Variants in PCDH15 observed in about 807,000 individuals in gnomAD.
The protein encoded by PCDH15 is protocadherin related 15.
In PCDH15, 129 loss-of-function variants were observed where a neutral mutation model predicts 178.5. The ratio of observed to expected loss-of-function variants is 0.72; its 90% confidence interval spans 0.63 to 0.84. PCDH15 has a LOEUF of 0.84. Ranked by LOEUF, PCDH15 falls within the 40% of genes least tolerant of loss-of-function variation. PCDH15 has a pLI of 0.00. For missense variants in PCDH15, 2,230 were observed against 2,099.9 expected, an observed-to-expected ratio of 1.06 and a Z score of -1.21; for synonymous variants, 800 against 732.0, an observed-to-expected ratio of 1.09 and a Z score of -1.50.
intron 2 of PCDH15, among the ~76,000 whole-genome samples, chr10:55,149,514 A>T (rs1299904962): frequency 1.3e-5 from 2 of 152,038 alleles, no homozygotes; most frequent in African/African-American, 4.8e-5. Flanking sequence ...ATGGGGGGAA[A>T]CTTATTTCCA....
At chr10:54,401,158 C>T (rs948497188) in intron 3 of PCDH15, among the ~76,000 whole-genome samples, 2 of 151,920 alleles carry the variant, frequency 1.3e-5, no homozygotes, top group African/African-American at 4.8e-5. Flanking sequence ...ATTCCTTTCA[C>T]CTCTACACTA....
chr10:54,195,003 CA>C (rs2133916978), intron 11 of PCDH15, among the ~76,000 whole-genome samples: 1 of 152,220 alleles, frequency 6.6e-6, no homozygotes, highest in Non-Finnish European at 1.5e-5. Context: ...TACATGATAC[CA>C]AAGTCTTTCA....
At chr10:54,189,941 G>GTC (rs2048833000) in intron 11 of PCDH15, among the ~76,000 whole-genome samples, 1 of 151,584 alleles carries the variant, frequency 6.6e-6, no homozygotes, top group Non-Finnish European at 1.5e-5. Flanking sequence ...GTGTGTGTGT[G>GTC]TGTGTGTGTG....
intron 2 of PCDH15, among the ~76,000 whole-genome samples, chr10:55,582,835 A>C (rs887566345): frequency 6.6e-6 from 1 of 151,752 alleles, no homozygotes; most frequent in Non-Finnish European, 1.5e-5. Context: ...TTATTGATGA[A>C]TATTTCACTA....
At chr10:53,820,697 T>C (rs987410897) in intron 32 of PCDH15, among the ~76,000 whole-genome samples, 2 of 151,950 alleles carry the variant, frequency 1.3e-5, no homozygotes, top group African/African-American at 4.8e-5. Flanking sequence ...TCACATATTA[T>C]ACATTATATA....
chr10:55,466,632 T>C (rs931727106), intron 2 of PCDH15, among the ~76,000 whole-genome samples: 3 of 151,984 alleles, frequency 2.0e-5, no homozygotes, highest in Non-Finnish European at 2.9e-5. Context: ...AAAATTGGAA[T>C]GGAGAAGAAG....
At chr10:55,401,598 G>C (rs1414418192) in intron 2 of PCDH15, among the ~76,000 whole-genome samples, 2 of 128,036 alleles carry the variant, frequency 1.6e-5, no homozygotes, top group South Asian at 2.7e-4. Flanking sequence ...GCCTTACTGT[G>C]TGTGTGTGTG....
chr10:54,955,281 A>C (rs1326885309), intron 2 of PCDH15, among the ~76,000 whole-genome samples: 1 of 151,258 alleles, frequency 6.6e-6, no homozygotes, highest in Non-Finnish European at 1.5e-5. Context: ...GAGGAAAAGA[A>C]CTTTTGTTCT....
In PCDH15 at chr10:55,599,268, GC is replaced by G. The variant is rs1843011470; in HGVS notation, c.-156+28356del. The stretch of plus-strand genomic sequence containing the variant: ...GAAGATTCATTAGTAGCAGTGACAA[GC>G]CTACGGAGGCTGGTGATAGCTGATT... On this transcript the variant is annotated intron_variant, in intron 2 of 5. Coordinates refer to the PCDH15 transcript ENST00000613346. The G allele has an allele frequency of 5.9e-5, 9 of 152,282 alleles. No homozygotes were observed. In the South Asian group the frequency reaches 1.7e-3, roughly 28 times the overall value. 9.4% of individuals were successfully genotyped at this position (152,282 alleles called of 1,614,324 possible). A position where few individuals can be genotyped will look rare whatever the true frequency, so the allele number is the denominator to read the frequency against.
chr10:54,143,711 T>TA (rs1241696910), intron 14 of PCDH15, among the ~76,000 whole-genome samples: 9 of 152,180 alleles, frequency 5.9e-5, no homozygotes, highest in Non-Finnish European at 1.2e-4. Flanking sequence ...GATAATTTTT[T>TA]AGATCTACTT....
chr10:54,273,311 C>A (rs2058153313), intron 8 of PCDH15, among the ~76,000 whole-genome samples: 1 of 148,408 alleles, frequency 6.7e-6, no homozygotes. Flanking sequence ...TATAAACACA[C>A]AAAATAAGTG....
chr10:54,559,060 T>C (rs1194480999), intron 2 of PCDH15, among the ~76,000 whole-genome samples: 1 of 152,094 alleles, frequency 6.6e-6, no homozygotes, highest in African/African-American at 2.4e-5. Flanking sequence ...AATTGTGAAA[T>C]CTCGGGGAAG....
intron 21 of PCDH15, 127 bp downstream of exon 21, chr10:53,995,521 TA>T (rs1450672496): frequency 3.2e-6 from 5 of 1,543,568 alleles, no homozygotes; most frequent in Non-Finnish European, 4.4e-6. Flanking sequence ...TAAAAGAACA[TA>T]AAATGTATGA....
At chr10:55,597,650 T>C (rs955634152) in intron 2 of PCDH15, among the ~76,000 whole-genome samples, 2 of 152,262 alleles carry the variant, frequency 1.3e-5, no homozygotes, top group African/African-American at 2.4e-5. Context: ...AAATCAAATA[T>C]AACTTCAACT....
chr10:54,463,956 C>T (rs778221339), intron 3 of PCDH15, among the ~76,000 whole-genome samples: 1 of 152,084 alleles, frequency 6.6e-6, no homozygotes, highest in South Asian at 2.1e-4. Context: ...AGTGGGAGAA[C>T]AATGGATATA....
chr10:53,840,816 C>T (rs1440428923), intron 28 of PCDH15, among the ~76,000 whole-genome samples: 1 of 152,096 alleles, frequency 6.6e-6, no homozygotes, highest in African/African-American at 2.4e-5. Context: ...GCTGTCTATG[C>T]TTTATAGGAG....
intron 10 of PCDH15, among the ~76,000 whole-genome samples, chr10:54,198,588 G>A (rs2049920027): frequency 1.4e-5 from 1 of 73,214 alleles, no homozygotes; most frequent in South Asian, 4.7e-4. Flanking sequence ...TGCAAGCTCC[G>A]CCTCCCGGGT....
intron 2 of PCDH15, among the ~76,000 whole-genome samples, chr10:55,077,169 C>T (rs1841915413): frequency 6.6e-6 from 1 of 151,118 alleles, no homozygotes; most frequent in South Asian, 2.1e-4. Flanking sequence ...CTATATGTAT[C>T]TTTACAATTA....
At chr10:54,357,619 C>A (rs889921329) in intron 5 of PCDH15, among the ~76,000 whole-genome samples, 3 of 152,118 alleles carry the variant, frequency 2.0e-5, no homozygotes, top group Non-Finnish European at 2.9e-5. Flanking sequence ...ATGCCATCCC[C>A]ATCAAGCTAT....
Sources: allele counts gnomAD v4.1 joint callset (sites outside exome capture counted in the v4.1 genomes callset), GRCh38; gene constraint gnomAD v4.1.1; transcripts MANE v1.5; gene names NCBI Gene and HGNC (gene_info 2026-07-23, HGNC 2026-07-21).